TNNT2: variants seen among roughly 807,000 people sequenced by gnomAD.
TNNT2 encodes troponin T, cardiac muscle.
Under a neutral mutation model 62.4 loss-of-function variants are expected in TNNT2, and 34 were observed. That is an observed-to-expected ratio of 0.54 (90% CI 0.41 to 0.72). TNNT2 has a LOEUF of 0.72. TNNT2 is among the 30% of genes least tolerant of loss of function. The pLI is 0.00. For synonymous variants in TNNT2, 123 were observed against 127.2 expected (o/e 0.97, Z 0.22); for missense variants, 275 against 381.9 (o/e 0.72, Z 2.33).
At position 201,364,352 on chromosome 1, in the gene TNNT2, G is replaced by T. The variant is rs375675827; in HGVS notation, c.435C>A (p.Ala145=). Reference sequence around the variant, plus strand: ...GCTCATTCCGGATGCGCTGCTGCTCGGCCCGCTCTGCCCGACGTCTCTCCT... The same window carrying T: ...GCTCATTCCGGATGCGCTGCTGCTCTGCCCGCTCTGCCCGACGTCTCTCCT... ...DRIERRRAER[A]EQQRIRNERE... Residue 145 remains alanine, a synonymous_variant, in exon 11 of 17, where the codon GCC becomes GCA. Transcript: ENST00000656932. 1 of 1,613,152 alleles carries T rather than the reference G, an allele frequency of 6.2e-7. No individual in the cohort carries two copies. The highest frequency in any genetic ancestry group is 8.5e-7 in the Non-Finnish European group (1 of 1,179,984).
Position 201,373,276 on chromosome 1 carries a change from A to T in TNNT2, c.-14-8T>A. On this transcript the variant is annotated splice_region_variant and splice_polypyrimidine_tract_variant and intron_variant, in intron 1 of 16. Coordinates refer to ENST00000656932, the MANE Select transcript of TNNT2 (RefSeq NM_001276345.2). ...ACATGGTCTCTGCTCTCCCTCCAAAAGGAGAAAAAAGTCAGTGCAGGTACA... is the reference window on the plus strand; with the variant it reads ...ACATGGTCTCTGCTCTCCCTCCAAATGGAGAAAAAAGTCAGTGCAGGTACA... The T allele has an allele frequency of 6.2e-7, 1 of 1,613,906 alleles. No homozygotes were observed. The highest frequency in any genetic ancestry group is 8.5e-7 in the Non-Finnish European group (1 of 1,179,842).
chr1:201,362,722 C>T (rs1658909393), intron 12 of TNNT2, among the ~76,000 whole-genome samples: 2 of 152,186 alleles, frequency 1.3e-5, no homozygotes, highest in Admixed American at 6.5e-5. Flanking sequence ...AAATCAATTT[C>T]ACATATCCCT....
At chr1:201,374,608 GT>G (rs1279628773) in intron 1 of TNNT2, 1 of 152,242 alleles carries the variant, frequency 6.6e-6, no homozygotes, top group Admixed American at 6.5e-5. Context: ...TCCAGCATGC[GT>G]TTGCCTGCGA....
intron 15 of TNNT2, chr1:201,360,452 CCCAATGTCACACAG>C (rs1431841779): frequency 6.5e-6 from 1 of 153,142 alleles, no homozygotes; most frequent in African/African-American, 2.4e-5. Context: ...GACTAACTCA[CCCAATGTCACACAG>C]CCAGTGAGGG....
Position 201,365,603 on chromosome 1 carries a change from C to T in TNNT2, c.294+7G>A, listed in dbSNP as rs45490292. The T allele has an allele frequency of 1.9e-3, 2,986 of 1,613,882 alleles. 39 individuals carry two copies. The African/African-American group carries it at 0.033, about 18-fold the overall frequency. On this transcript the variant is annotated splice_region_variant and intron_variant, in intron 9 of 16. Coordinates refer to ENST00000656932, the MANE Select transcript of TNNT2 (RefSeq NM_001276345.2). ...CCAGGCCTACTCAACCCACAGCCAC[C>T]GCTTACATCAAAGTCCACTCTCTCT...
Position 201,366,884 on chromosome 1 carries a change from G to A in TNNT2, c.200-13C>T. 1 of 1,614,136 alleles carries A rather than the reference G, an allele frequency of 6.2e-7. No homozygotes were observed. The highest frequency in any genetic ancestry group is 8.5e-7 in the Non-Finnish European group (1 of 1,180,018). On this transcript the variant is annotated splice_polypyrimidine_tract_variant and intron_variant, in intron 7 of 16. Coordinates refer to ENST00000656932, the MANE Select transcript of TNNT2 (RefSeq NM_001276345.2). ...TCCATTGGGCCATCTGGAGGAGATAGAAGCACACAGCCATGGGTCAGGGGG... is the reference window on the plus strand; with the variant it reads ...TCCATTGGGCCATCTGGAGGAGATAAAAGCACACAGCCATGGGTCAGGGGG...
At position 201,365,725 on chromosome 1, in the gene TNNT2, G is replaced by A. The variant is rs906766452; in HGVS notation, c.234-55C>T. The A allele has an allele frequency of 5.6e-6, 9 of 1,602,436 alleles. No homozygotes were observed. In the African/African-American group the frequency reaches 9.4e-5, roughly 17 times the overall value. The stretch of plus-strand genomic sequence containing the variant: ...CCCCATTCTGGACCCAGGGACTGAG[G>A]GTGTCCAGGACAGGCAGGGCCCTGA... On this transcript the variant is annotated intron_variant, in intron 8 of 16. Coordinates refer to ENST00000656932, the MANE Select transcript of TNNT2 (RefSeq NM_001276345.2).
intron 5 of TNNT2, chr1:201,369,382 C>G (rs887497000): frequency 5.1e-5 from 24 of 474,994 alleles, no homozygotes; most frequent in African/African-American, 4.4e-4. Flanking sequence ...CCAGAGGACT[C>G]TGTCCCCAGA....
chr1:201,362,154 C>T, intron 13 of TNNT2, 132 bp from the exon 14 acceptor site: 1 of 1,174,572 alleles, frequency 8.5e-7, no homozygotes, highest in Non-Finnish European at 1.3e-6. Flanking sequence ...TCCTGCCACA[C>T]CCCCCAACTA....
chr1:201,375,097 TC>T (rs978736973), intron 1 of TNNT2: 7 of 152,018 alleles, frequency 4.6e-5, no homozygotes, highest in Non-Finnish European at 7.3e-5. Flanking sequence ...TCCCTGCACA[TC>T]CCCCCCATAG....
intron 8 of TNNT2, chr1:201,366,103 A>G: frequency 1.8e-6 from 2 of 1,107,094 alleles, no homozygotes; most frequent in Non-Finnish European, 2.2e-6. Flanking sequence ...GTCCCAACAC[A>G]TACTGAGACC....
intron 2 of TNNT2, 127 bp downstream of exon 2, chr1:201,373,087 G>A (rs750894170): frequency 1.6e-5 from 15 of 928,054 alleles, no homozygotes; most frequent in South Asian, 1.0e-4. Context: ...ATCTCTCCTC[G>A]GGGTGCCCAA....
chr1:201,368,085 T>G (rs1571647758), intron 6 of TNNT2, 77 bp downstream of exon 6: 2 of 1,469,518 alleles, frequency 1.4e-6, no homozygotes, highest in Admixed American at 3.4e-5. Context: ...TTCTGGGGGG[T>G]TTCTTACTGC....
intron 4 of TNNT2, among the ~76,000 whole-genome samples, chr1:201,371,549 G>A (rs1418838643): frequency 1.3e-5 from 2 of 152,196 alleles, no homozygotes; most frequent in Non-Finnish European, 2.9e-5. Flanking sequence ...GAGATACGGT[G>A]TAGCGAAATC....
At chr1:201,372,122 T>C (rs760481557) in intron 3 of TNNT2, 23 bp downstream of exon 3, 1 of 1,614,132 alleles carries the variant, frequency 6.2e-7, no homozygotes, top group East Asian at 2.2e-5. Flanking sequence ...TTGATCCAAA[T>C]GAGTACACAC....
intron 12 of TNNT2, chr1:201,363,008 C>T: frequency 1.6e-6 from 1 of 628,030 alleles, no homozygotes; most frequent in Non-Finnish European, 2.0e-6. Context: ...CAGCTGCACC[C>T]AGCCTCCTTG....
At chr1:201,371,809 C>A (rs1046677500) in intron 4 of TNNT2, among the ~76,000 whole-genome samples, 1 of 152,126 alleles carries the variant, frequency 6.6e-6, no homozygotes, top group African/African-American at 2.4e-5. Context: ...GTGTTTGAAG[C>A]AAATGGCAGA....
intron 15 of TNNT2, chr1:201,361,067 G>A (rs1034006145): frequency 3.3e-5 from 22 of 666,978 alleles, no homozygotes; most frequent in Non-Finnish European, 5.5e-5. Context: ...CTCAGCCCCA[G>A]CGAGCTCTCA....
At chr1:201,373,179 G>A (rs777877118) in intron 2 of TNNT2, 35 bp downstream of exon 2, 1 of 1,610,968 alleles carries the variant, frequency 6.2e-7, no homozygotes, top group Non-Finnish European at 8.5e-7. Context: ...CGGCGGGAGA[G>A]GACCCCACTC....
Sources: allele counts gnomAD v4.1 joint callset (sites outside exome capture counted in the v4.1 genomes callset), GRCh38; gene constraint gnomAD v4.1.1; transcripts MANE v1.5; gene names NCBI Gene and HGNC (gene_info 2026-07-23, HGNC 2026-07-21).